The following SORCS1 variants were observed in gnomAD, a reference collection of about 807,000 sequenced individuals.
The protein encoded by SORCS1 is VPS10 domain-containing receptor SorCS1.
In SORCS1, 60 loss-of-function variants were observed where a neutral mutation model predicts 146.1. The ratio of observed to expected loss-of-function variants is 0.41; its 90% CI spans 0.33 to 0.51. The LOEUF (loss-of-function observed/expected upper bound fraction) is 0.51. Among genes scored for constraint, SORCS1 ranks in the 20% least tolerant of loss-of-function variants. The pLI, the probability that SORCS1 is intolerant of heterozygous loss-of-function variation, is 0.21. For synonymous variants in SORCS1, 637 were observed against 584.0 expected, an observed-to-expected ratio of 1.09 and a Z score of -1.31; for missense variants, 1,352 against 1,487.6, an observed-to-expected ratio of 0.91 and a Z score of 1.50.
intron 5 of SORCS1, among the ~76,000 whole-genome samples, chr10:106,730,600 CAGAGTG>C (rs753409305): frequency 1.4e-4 from 21 of 152,172 alleles, no homozygotes; most frequent in Non-Finnish European, 2.5e-4. Context: ...GCAGTTACAG[CAGAGTG>C]ATGATTCTCT....
At chr10:107,176,563 C>T in the SORCS1 span, among the ~76,000 whole-genome samples, 1 of 152,042 alleles carries the variant, frequency 6.6e-6, no homozygotes. Context: ...TGGTCTTCAA[C>T]TCCTGGTCTC....
intron 1 of SORCS1, among the ~76,000 whole-genome samples, chr10:106,989,744 T>C (rs1211170833): frequency 6.9e-6 from 1 of 143,962 alleles, no homozygotes; most frequent in African/African-American, 2.7e-5. Context: ...TGGAGTGCAG[T>C]GGCGCGATCT....
intron 1 of SORCS1, among the ~76,000 whole-genome samples, chr10:107,054,440 A>G (rs895719879): frequency 6.6e-6 from 1 of 152,200 alleles, no homozygotes; most frequent in African/African-American, 2.4e-5. Context: ...CCAGGTAAAG[A>G]CAGAAAGAGT....
the SORCS1 span, among the ~76,000 whole-genome samples, chr10:107,173,108 A>G: frequency 6.6e-6 from 1 of 152,132 alleles, no homozygotes; most frequent in Non-Finnish European, 1.5e-5. Flanking sequence ...AACAATACCT[A>G]TGTGCATCCA....
At chr10:106,652,129 C>G (rs566608973) in intron 18 of SORCS1, among the ~76,000 whole-genome samples, 11 of 151,954 alleles carry the variant, frequency 7.2e-5, no homozygotes, top group Non-Finnish European at 1.2e-4. Context: ...AGATTAAATC[C>G]AACAGATCCT....
chr10:107,164,344 C>A lies in SORCS1; in HGVS notation c.183G>T (p.Arg61=). ...STPRGFSHQG[R]PGRAPATPLP... The stretch of plus-strand genomic sequence containing the variant: ...GGGGCGTGGCAGGAGCCCTGCCTGG[C>A]CGCCCCTGGTGGGAAAAGCCCCTAG... Residue 61 remains arginine (R), a synonymous_variant, in exon 1 of 26, where the codon CGG becomes CGT. Transcript: ENST00000263054. This position sits in a 1 kb window ranked among gnomAD's most constrained non-coding sequence, Gnocchi z 6.8. The A allele has an allele frequency of 2.0e-6, 3 of 1,531,564 alleles. No individual in the cohort carries two copies. Among genetic ancestry groups the A allele is most frequent in the Non-Finnish European group, 1.8e-6 (2 of 1,141,314 alleles). The allele number at this position is 1,531,564 out of a possible 1,614,324, so 94.9% of individuals were successfully genotyped here. A position where few individuals can be genotyped will look rare whatever the true frequency, so the allele number is the denominator to read the frequency against.
chr10:107,162,868 G>A (rs1264136808), intron 1 of SORCS1, among the ~76,000 whole-genome samples: 3 of 152,160 alleles, frequency 2.0e-5, no homozygotes, highest in South Asian at 2.1e-4. Context: ...CAATTACCTG[G>A]TTGAAGCTGT....
chr10:106,972,636 T>C (rs975026301), intron 1 of SORCS1, among the ~76,000 whole-genome samples: 1 of 151,924 alleles, frequency 6.6e-6, no homozygotes, highest in Admixed American at 6.6e-5. Flanking sequence ...CTCAGTGCCG[T>C]AGACAAGAGT....
intron 17 of SORCS1, among the ~76,000 whole-genome samples, chr10:106,652,834 G>A (rs1849978215): frequency 6.6e-6 from 1 of 152,174 alleles, no homozygotes; most frequent in East Asian, 1.9e-4. Flanking sequence ...CACAGAAATA[G>A]AAGATATAGC....
At chr10:106,884,907 A>C (rs1456458883) in intron 2 of SORCS1, among the ~76,000 whole-genome samples, 1 of 152,240 alleles carries the variant, frequency 6.6e-6, no homozygotes, top group Non-Finnish European at 1.5e-5. Context: ...GTATGTGAAC[A>C]TCTATTACTA....
At chr10:106,607,333 C>T (rs777954302) in intron 22 of SORCS1, 36 bp from the exon 23 acceptor site, 3 of 1,610,928 alleles carry the variant, frequency 1.9e-6, no homozygotes, top group East Asian at 4.5e-5. Flanking sequence ...ATTAGTGCTG[C>T]AGAGAAGAAA....
intron 1 of SORCS1, among the ~76,000 whole-genome samples, chr10:107,075,748 C>T (rs1227901007): frequency 6.6e-6 from 1 of 151,950 alleles, no homozygotes; most frequent in African/African-American, 2.4e-5. Context: ...CTTACTGAAA[C>T]CTATTCTTCA....
chr10:106,659,829 C>G (rs903019672), intron 17 of SORCS1, among the ~76,000 whole-genome samples: 1 of 152,136 alleles, frequency 6.6e-6, no homozygotes, highest in African/African-American at 2.4e-5. Flanking sequence ...CTTCATTTCC[C>G]AACCCCAGTG....
chr10:106,701,501 A>T (rs1854137041), intron 8 of SORCS1, among the ~76,000 whole-genome samples: 1 of 152,168 alleles, frequency 6.6e-6, no homozygotes, highest in South Asian at 2.1e-4. Flanking sequence ...ATTGGTTTTT[A>T]AGCAGTAAGA....
chr10:106,607,187 C>G lies in SORCS1; in HGVS notation c.3144G>C (p.Arg1048Ser), dbSNP rs142651856. ...PYQDPAGENK[R>S]STDDLEQISE... ...TCACCTGCTCCAGGTCATCAGTTGACCTTTTGTTTTCTCCAGCTGGATCCT... is the reference window on the plus strand; with the variant it reads ...TCACCTGCTCCAGGTCATCAGTTGAGCTTTTGTTTTCTCCAGCTGGATCCT... Residue 1048 changes from arginine to serine, a missense_variant, in exon 23 of 26, where the codon AGG (arginine) becomes AGC (serine). Physicochemically the swap from Arg to Ser is moderately radical, Grantham distance 110. Coordinates refer to ENST00000263054, the MANE Select transcript of SORCS1 (RefSeq NM_052918.5). The G allele has an allele frequency of 1.2e-6, 2 of 1,614,026 alleles. No homozygotes were observed. The highest frequency in any genetic ancestry group is 2.7e-5 in the African/African-American group (2 of 75,022).
chr10:106,784,979 T>TA (rs959316802), intron 3 of SORCS1, among the ~76,000 whole-genome samples: 67 of 152,320 alleles, frequency 4.4e-4, no homozygotes, highest in African/African-American at 1.6e-3. Context: ...TAATCCACTC[T>TA]AAAAATCAGT....
At chr10:106,716,901 C>T (rs184680969) in intron 6 of SORCS1, among the ~76,000 whole-genome samples, 2 of 152,164 alleles carry the variant, frequency 1.3e-5, no homozygotes, top group East Asian at 1.9e-4. Context: ...TTTGGGATGC[C>T]GAGGCGGGTG....
intron 1 of SORCS1, among the ~76,000 whole-genome samples, chr10:107,030,659 T>C (rs566285066): frequency 6.6e-6 from 1 of 152,368 alleles, no homozygotes; most frequent in African/African-American, 2.4e-5. Flanking sequence ...CAAAACTCAC[T>C]TGATTTTGAA....
intron 1 of SORCS1, among the ~76,000 whole-genome samples, chr10:106,957,966 C>T (rs1189374913): frequency 1.3e-5 from 2 of 152,192 alleles, no homozygotes; most frequent in Non-Finnish European, 2.9e-5. Flanking sequence ...CAGAAGCGCT[C>T]ATGAAAGAAA....
Sources: gnomAD v4.1 joint callset for allele counts (sites outside exome capture counted in the v4.1 genomes callset) on GRCh38, gnomAD v4.1.1 for gene constraint, Gnocchi (gnomAD v3.1) non-coding constraint, MANE v1.5 for transcripts, NCBI Gene and HGNC (gene_info 2026-07-23, HGNC 2026-07-21) for gene names.